PRKAG2: variants seen among roughly 807,000 people sequenced by gnomAD.
The protein encoded by PRKAG2 is 5'-AMP-activated protein kinase subunit gamma-2.
PRKAG2 carries 26 observed loss-of-function variants against 69.6 expected under a neutral mutation model. That is an observed-to-expected ratio of 0.37 (90% CI 0.27 to 0.52). The LOEUF (loss-of-function observed/expected upper bound fraction) is 0.52, where lower values mean the gene tolerates loss of function less well. Ranked by LOEUF, PRKAG2 falls within the 20% of genes least tolerant of loss-of-function variation. The pLI, the probability that PRKAG2 is intolerant of heterozygous loss-of-function variation, is 0.90. For synonymous variants in PRKAG2, 293 were observed against 285.0 expected, an observed-to-expected ratio of 1.03 and a Z score of -0.28; for missense variants, 557 against 740.0, an observed-to-expected ratio of 0.75 and a Z score of 2.87.
In PRKAG2 at chr7:151,850,479, C is replaced by A. The variant is rs565947917; in HGVS notation, c.114+26028G>T. Reference sequence around the variant, plus strand: ...AAGCACACGTCATCTGGTGGGCAGCCCTGCCATTGTGGAGGTGGGCAAACC... The same window carrying A: ...AAGCACACGTCATCTGGTGGGCAGCACTGCCATTGTGGAGGTGGGCAAACC... On this transcript the variant is annotated intron_variant, in intron 1 of 15. Transcript: ENST00000287878. The surrounding 1 kb of genome is among the most constrained non-coding windows in gnomAD (Gnocchi z 4.1). 1.2e-3 allele frequency among the ~76,000 whole-genome samples: 186 copies of A among 152,346 alleles called. 5 individuals carry two copies. The South Asian group carries it at 0.032, about 26-fold the overall frequency.
rs370910626 is a variant in PRKAG2, at chr7:151,756,370, G to T, written c.466+24782C>A. Among the ~76,000 whole-genome samples, 4 of 152,240 alleles carry T rather than the reference G, an allele frequency of 2.6e-5. No homozygotes were observed. The highest frequency in any genetic ancestry group is 3.8e-4 in the East Asian group (2 of 5,198). ...ACCAAAGGTTTCCTGTCCTTGCAAT[G>T]CTGGGAGGGACCCTAGATGGATTTG... On this transcript the variant is annotated intron_variant, in intron 3 of 15. Coordinates refer to ENST00000287878, the MANE Select transcript of PRKAG2 (RefSeq NM_016203.4). This position sits in a 1 kb window ranked among gnomAD's most constrained non-coding sequence, Gnocchi z 4.9.
intron 4 of PRKAG2, among the ~76,000 whole-genome samples, chr7:151,652,135 G>A (rs1325478284): frequency 6.6e-6 from 1 of 152,122 alleles, no homozygotes; most frequent in Admixed American, 6.6e-5. Flanking sequence ...GCATCACAGT[G>A]TACCCCATAA....
chr7:151,830,447 G>T (rs1437084716), intron 1 of PRKAG2, among the ~76,000 whole-genome samples: 1 of 152,066 alleles, frequency 6.6e-6, no homozygotes, highest in Non-Finnish European at 1.5e-5. Context: ...CAAGCCCGGG[G>T]TCTGAGCAGG....
At chr7:151,624,570 C>T (rs957187489) in intron 5 of PRKAG2, among the ~76,000 whole-genome samples, 2 of 152,156 alleles carry the variant, frequency 1.3e-5, no homozygotes, top group Non-Finnish European at 2.9e-5. Context: ...TGGCTCTGTT[C>T]CCCCTAACCT....
chr7:151,631,722 G>A (rs752296314), intron 5 of PRKAG2: 16 of 462,624 alleles, frequency 3.5e-5, no homozygotes, highest in South Asian at 2.2e-4. Flanking sequence ...GGTTGCCTCC[G>A]AGTGCATGGT....
intron 3 of PRKAG2, among the ~76,000 whole-genome samples, chr7:151,707,949 C>T (rs947074086): frequency 1.3e-5 from 2 of 152,228 alleles, no homozygotes; most frequent in South Asian, 2.1e-4. Context: ...ACTCTCGGCC[C>T]AACCCAGACG....
chr7:151,712,007 G>C (rs906462096), intron 3 of PRKAG2, among the ~76,000 whole-genome samples: 2 of 152,246 alleles, frequency 1.3e-5, no homozygotes, highest in African/African-American at 2.4e-5. Context: ...TGGCTGGGCT[G>C]TGTCTCGGGT....
At chr7:151,598,131 AAAG>A (rs1172066601) in intron 5 of PRKAG2, among the ~76,000 whole-genome samples, 1 of 152,214 alleles carries the variant, frequency 6.6e-6, no homozygotes, top group African/African-American at 2.4e-5. Flanking sequence ...CAACCATAAA[AAAG>A]AATGAAATCC....
At chr7:151,821,849 A>C (rs972891919) in intron 1 of PRKAG2, among the ~76,000 whole-genome samples, 1 of 152,178 alleles carries the variant, frequency 6.6e-6, no homozygotes, top group African/African-American at 2.4e-5. Context: ...TGGAGTTAAT[A>C]ATAATTATGC....
rs539094981 is a variant in PRKAG2, at chr7:151,755,971, G to A, written c.466+25181C>T. 2.6e-5 allele frequency among the ~76,000 whole-genome samples: 4 copies of A among 152,290 alleles called. No individual in the cohort carries two copies. In the East Asian group the frequency reaches 7.7e-4, roughly 29 times the overall value. On this transcript the variant is annotated intron_variant, in intron 3 of 15. Transcript: ENST00000287878. ...CCAGGAGGCTGCGGGGCCCTCCCAG[G>A]TGGAAGTGGAGAAAAGTCCTCAGTG...
chr7:151,864,326 C>T (rs148259699), intron 1 of PRKAG2, among the ~76,000 whole-genome samples: 33 of 152,372 alleles, frequency 2.2e-4, no homozygotes, highest in East Asian at 7.7e-4. Flanking sequence ...ATCCTTGCTT[C>T]GCCACTGGCC....
chr7:151,581,743 G>C (rs1016720495), intron 6 of PRKAG2, among the ~76,000 whole-genome samples: 4 of 152,076 alleles, frequency 2.6e-5, no homozygotes, highest in Non-Finnish European at 4.4e-5. Context: ...CACACCTCAG[G>C]CTTAAAAGAA....
intron 4 of PRKAG2, among the ~76,000 whole-genome samples, chr7:151,659,493 C>T (rs1021943396): frequency 4.6e-5 from 7 of 152,140 alleles, no homozygotes; most frequent in African/African-American, 1.2e-4. Context: ...TTGTGTTGAC[C>T]TTGAGGCTTT....
In PRKAG2 at chr7:151,876,699, G is replaced by C. The variant is rs565170478; in HGVS notation, c.-79C>G. 8.1e-6 allele frequency: 11 copies of C among 1,363,732 alleles called. No homozygotes were observed. In the East Asian group the frequency reaches 2.6e-4, roughly 32 times the overall value. 84.5% of individuals were successfully genotyped at this position (1,363,732 alleles called of 1,614,324 possible). A position where few individuals can be genotyped will look rare whatever the true frequency, so the allele number is the denominator to read the frequency against. Reference sequence around the variant, plus strand: ...TTCCCTCCCCCGGCCGCTGCCTTCGGACTGGAGCCGCGCGCTCTGTTACAC... The same window carrying C: ...TTCCCTCCCCCGGCCGCTGCCTTCGCACTGGAGCCGCGCGCTCTGTTACAC... On this transcript the variant is annotated 5_prime_UTR_variant, in exon 1 of 16. Transcript: ENST00000287878.
intron 3 of PRKAG2, among the ~76,000 whole-genome samples, chr7:151,676,932 G>C (rs767018140): frequency 2.2e-4 from 34 of 152,316 alleles, no homozygotes; most frequent in African/African-American, 7.7e-4. Flanking sequence ...GCCAAGGCGC[G>C]ATGGGGATTG....
rs185782246 is a variant in PRKAG2, at chr7:151,657,413, T to A, written c.684+18007A>T. Among the ~76,000 whole-genome samples the A allele has an allele frequency of 3.9e-3, 598 of 152,242 alleles. 4 individuals are homozygous for A. The highest frequency in any genetic ancestry group is 0.013 in the African/African-American group (551 of 41,542). On this transcript the variant is annotated intron_variant, in intron 4 of 15. Coordinates refer to ENST00000287878, the MANE Select transcript of PRKAG2 (RefSeq NM_016203.4). ...GTGCCAATGTCCACTGTGTGCCTGG[T>A]ATAGGTCTTGGCTCAGGCTAGGTGG...
rs541380522 is a variant in PRKAG2, at chr7:151,663,579, C to T, written c.684+11841G>A. On this transcript the variant is annotated intron_variant, in intron 4 of 15. Coordinates refer to ENST00000287878, the MANE Select transcript of PRKAG2 (RefSeq NM_016203.4). ...GGTTTTGCCGTGTTGAGGCTGGTCT[C>T]GAACTCCTGGGCTCAAGTGATCTGC... is the stretch of plus-strand genomic sequence containing the variant. Among the ~76,000 whole-genome samples, 18 of 152,234 alleles carry T rather than the reference C, an allele frequency of 1.2e-4. No homozygotes were observed. In the South Asian group the frequency reaches 3.3e-3, roughly 28 times the overall value.
intron 3 of PRKAG2, among the ~76,000 whole-genome samples, chr7:151,714,198 C>A (rs1160414828): frequency 1.3e-5 from 2 of 152,196 alleles, no homozygotes; most frequent in African/African-American, 4.8e-5. Flanking sequence ...GAGCACCTAG[C>A]ACAGAGTCAG....
intron 1 of PRKAG2, among the ~76,000 whole-genome samples, chr7:151,844,967 C>A (rs1297951795): frequency 6.6e-6 from 1 of 152,086 alleles, no homozygotes; most frequent in Non-Finnish European, 1.5e-5. Flanking sequence ...ACGGGGACGT[C>A]ACAGCTCCTC....
Sources: gnomAD v4.1 joint callset for allele counts (sites outside exome capture counted in the v4.1 genomes callset) on GRCh38, gnomAD v4.1.1 for gene constraint, Gnocchi (gnomAD v3.1) non-coding constraint, MANE v1.5 for transcripts, NCBI Gene and HGNC (gene_info 2026-07-23, HGNC 2026-07-21) for gene names.